The following MLLT3 variants were observed in gnomAD, a reference collection of about 807,000 sequenced individuals.
The protein encoded by MLLT3 is protein AF-9.
MLLT3 carries 4 observed loss-of-function variants against 53.2 expected under a neutral mutation model. The ratio of observed to expected loss-of-function variants is 0.08; its 90% CI spans 0.04 to 0.17. The LOEUF is 0.17. MLLT3 is among the 10% of genes least tolerant of loss of function. The pLI, the probability that MLLT3 is intolerant of heterozygous loss-of-function variation, is 1.00. For missense variants in MLLT3, 569 were observed against 684.0 expected (o/e 0.83, Z 1.87); for synonymous variants, 283 against 230.6 (o/e 1.23, Z -2.06).
At chr9:20,521,353 G>A (rs923020671) in intron 2 of MLLT3, among the ~76,000 whole-genome samples, 1 of 152,190 alleles carries the variant, frequency 6.6e-6, no homozygotes, top group Non-Finnish European at 1.5e-5. Flanking sequence ...TTACAGGCAT[G>A]AGCCACTGCA....
At chr9:20,353,955 A>ATT (rs137862787) in intron 9 of MLLT3, among the ~76,000 whole-genome samples, 214 of 151,506 alleles carry the variant, frequency 1.4e-3, no homozygotes, top group African/African-American at 4.7e-3. Flanking sequence ...GGCTACTTTC[A>ATT]TTTTTTTTTC....
At chr9:20,428,426 T>C (rs745605157) in intron 4 of MLLT3, among the ~76,000 whole-genome samples, 3 of 151,970 alleles carry the variant, frequency 2.0e-5, no homozygotes, top group South Asian at 2.1e-4. Context: ...TTAAAAAAAC[T>C]GTATATATTT....
At chr9:20,478,414 C>A (rs1034894847) in intron 2 of MLLT3, among the ~76,000 whole-genome samples, 6 of 152,142 alleles carry the variant, frequency 3.9e-5, no homozygotes, top group African/African-American at 1.4e-4. Context: ...GAGATGCTCA[C>A]TAACCACAGA....
intron 2 of MLLT3, among the ~76,000 whole-genome samples, chr9:20,566,022 ATTTATT>A: frequency 1.6e-5 from 2 of 126,716 alleles, no homozygotes; most frequent in African/African-American, 5.7e-5. Flanking sequence ...TTTTATATAT[ATTTATT>A]TATATTTATT....
intron 2 of MLLT3, among the ~76,000 whole-genome samples, chr9:20,518,808 T>A (rs1452150794): frequency 3.3e-5 from 5 of 151,966 alleles, no homozygotes; most frequent in African/African-American, 7.3e-5. Flanking sequence ...TTCTACAAAA[T>A]ACCTGAAAAA....
At chr9:20,515,783 C>T (rs1817896749) in intron 2 of MLLT3, among the ~76,000 whole-genome samples, 1 of 152,162 alleles carries the variant, frequency 6.6e-6, no homozygotes, top group South Asian at 2.1e-4. Flanking sequence ...AGGCAGCAGC[C>T]TCTTTTGAGG....
intron 2 of MLLT3, among the ~76,000 whole-genome samples, chr9:20,509,898 C>T (rs1655623191): frequency 6.6e-6 from 1 of 150,520 alleles, no homozygotes; most frequent in African/African-American, 2.5e-5. Context: ...ATCTGATATC[C>T]ACCACTTACA....
intron 5 of MLLT3, among the ~76,000 whole-genome samples, chr9:20,372,472 A>G (rs1821631058): frequency 6.6e-6 from 1 of 151,110 alleles, no homozygotes; most frequent in African/African-American, 2.4e-5. Context: ...ATCTCGGCTC[A>G]CTGCAAGTTC....
chr9:20,463,417 T>C (rs1355925047), intron 2 of MLLT3, among the ~76,000 whole-genome samples: 3 of 151,948 alleles, frequency 2.0e-5, no homozygotes, highest in African/African-American at 7.3e-5. Flanking sequence ...ATAACAGCTA[T>C]GTTAAAACAG....
At chr9:20,614,424 G>A (rs917532404) in intron 2 of MLLT3, among the ~76,000 whole-genome samples, 5 of 149,826 alleles carry the variant, frequency 3.3e-5, no homozygotes, top group Admixed American at 1.3e-4. Flanking sequence ...AGGAAAGGAG[G>A]GAGGGAGGGA....
At chr9:20,501,084 A>G (rs1029069897) in intron 2 of MLLT3, among the ~76,000 whole-genome samples, 3 of 152,212 alleles carry the variant, frequency 2.0e-5, no homozygotes, top group Non-Finnish European at 2.9e-5. Context: ...TGGATAATTT[A>G]CCAATTATGG....
intron 10 of MLLT3, among the ~76,000 whole-genome samples, chr9:20,351,985 CT>C (rs1161574991): frequency 3.3e-5 from 5 of 152,206 alleles, no homozygotes; most frequent in African/African-American, 9.7e-5. Flanking sequence ...CCTGGAGTGC[CT>C]TTATGCCAGG....
chr9:20,507,826 G>C (rs1825423548), intron 2 of MLLT3, among the ~76,000 whole-genome samples: 1 of 143,166 alleles, frequency 7.0e-6, no homozygotes, highest in Admixed American at 6.9e-5. Flanking sequence ...AATCATAATA[G>C]AATAAAAGGA....
At chr9:20,597,472 A>G (rs1346152973) in intron 2 of MLLT3, among the ~76,000 whole-genome samples, 3 of 152,184 alleles carry the variant, frequency 2.0e-5, no homozygotes, top group African/African-American at 7.2e-5. Flanking sequence ...TAAAAATCTG[A>G]ATAAGATTTC....
intron 2 of MLLT3, among the ~76,000 whole-genome samples, chr9:20,463,279 G>A (rs1232420170): frequency 6.6e-6 from 1 of 151,412 alleles, no homozygotes; most frequent in Non-Finnish European, 1.5e-5. Context: ...CTTTCAAGGG[G>A]GTGGGGGGGA....
At chr9:20,485,079 C>T (rs1197024651) in intron 2 of MLLT3, among the ~76,000 whole-genome samples, 1 of 151,868 alleles carries the variant, frequency 6.6e-6, no homozygotes, top group Non-Finnish European at 1.5e-5. Flanking sequence ...ACCTCCATCT[C>T]CCAGGTTCAA....
chr9:20,491,974 A>G (rs1329842316), intron 2 of MLLT3, among the ~76,000 whole-genome samples: 1 of 152,084 alleles, frequency 6.6e-6, no homozygotes, highest in African/African-American at 2.4e-5. Flanking sequence ...ATGTTATTAA[A>G]TGAACACCTA....
chr9:20,534,571 C>A (rs1189193233), intron 2 of MLLT3, among the ~76,000 whole-genome samples: 1 of 152,168 alleles, frequency 6.6e-6, no homozygotes, highest in Non-Finnish European at 1.5e-5. Context: ...AATAAGCACA[C>A]TAAACACATA....
At chr9:20,433,442 T>C (rs1823326739) in intron 4 of MLLT3, among the ~76,000 whole-genome samples, 1 of 152,160 alleles carries the variant, frequency 6.6e-6, no homozygotes. Context: ...TATTTACATC[T>C]TCTCAAAGTA....
Sources: gnomAD v4.1 joint callset for allele counts (sites outside exome capture counted in the v4.1 genomes callset) on GRCh38, gnomAD v4.1.1 for gene constraint, MANE v1.5 for transcripts, NCBI Gene and HGNC (gene_info 2026-07-23, HGNC 2026-07-21) for gene names.